PLPP1: variants seen among roughly 807,000 people sequenced by gnomAD.
The protein encoded by PLPP1 is lipid phosphate phosphohydrolase 1a.
PLPP1 carries 24 observed loss-of-function variants against 31.2 expected under a neutral mutation model. That is an observed-to-expected ratio of 0.77 (90% confidence interval 0.56 to 1.08). The LOEUF (loss-of-function observed/expected upper bound fraction) is 1.08. PLPP1 is among the 50% of genes least tolerant of loss of function. The pLI, the probability that PLPP1 is intolerant of heterozygous loss-of-function variation, is 0.00. For synonymous variants in PLPP1, 146 were observed against 126.3 expected (o/e 1.16, Z -1.05); for missense variants, 319 against 342.7 (o/e 0.93, Z 0.55).
intron 5 of PLPP1, 71 bp from the exon 6 acceptor site, chr5:55,425,405 G>C: frequency 7.4e-7 from 1 of 1,356,004 alleles, no homozygotes; most frequent in Non-Finnish European, 1.0e-6. Flanking sequence ...GTGATCAACA[G>C]CATCCTAAGA....
At chr5:55,512,723 T>TACACACAC (rs71600885) in intron 1 of PLPP1, among the ~76,000 whole-genome samples, 8,499 of 43,108 alleles carry the variant, frequency 0.2, 435 homozygotes, top group Admixed American at 0.35. Flanking sequence ...CATTATAAAC[T>TACACACAC]ACACACACAC....
chr5:55,490,149 T>C (rs1025330496), intron 1 of PLPP1, among the ~76,000 whole-genome samples: 18 of 143,076 alleles, frequency 1.3e-4, no homozygotes, highest in South Asian at 4.5e-4. Context: ...CTTTTCTTTT[T>C]TTTTTTTTTT....
At chr5:55,431,909 A>G (rs1751362249) in intron 4 of PLPP1, among the ~76,000 whole-genome samples, 1 of 152,176 alleles carries the variant, frequency 6.6e-6, no homozygotes, top group Admixed American at 6.5e-5. Context: ...ACACAGAAAT[A>G]CAAAAGAACA....
chr5:55,426,710 G>A (rs1479101013), intron 4 of PLPP1, among the ~76,000 whole-genome samples: 1 of 152,048 alleles, frequency 6.6e-6, no homozygotes, highest in African/African-American at 2.4e-5. Context: ...GCCTGACCCA[G>A]TATCGTGGTT....
At position 55,531,328 on chromosome 5, in the gene PLPP1, AGAT is replaced by A. The variant is rs1435216756; in HGVS notation, c.58+3241_58+3243del. On this transcript the variant is annotated intron_variant, in intron 1 of 5. Transcript: ENST00000307259. Reference sequence around the variant, plus strand: ...AAGTCGTGTTTCACACTGATGATAAAGATGACATACGGACAGAAACATATACAC... The same window carrying A: ...AAGTCGTGTTTCACACTGATGATAAAGACATACGGACAGAAACATATACAC... Among the ~76,000 whole-genome samples the A allele has an allele frequency of 4.6e-5, 7 of 152,350 alleles. No individual in the cohort carries two copies. The East Asian group carries it at 9.6e-4, about 21-fold the overall frequency.
intron 3 of PLPP1, among the ~76,000 whole-genome samples, chr5:55,459,966 T>C (rs1752114750): frequency 6.6e-6 from 1 of 152,214 alleles, no homozygotes; most frequent in Admixed American, 6.5e-5. Flanking sequence ...TATGGTTTTC[T>C]CATTTTCTTT....
At chr5:55,444,917 T>C (rs1052123201) in intron 3 of PLPP1, among the ~76,000 whole-genome samples, 1 of 152,068 alleles carries the variant, frequency 6.6e-6, no homozygotes, top group African/African-American at 2.4e-5. Flanking sequence ...GCCCAGCTAA[T>C]TGTTGTATTT....
intron 4 of PLPP1, 107 bp from the exon 5 acceptor site, chr5:55,426,146 G>T: frequency 9.9e-7 from 1 of 1,009,362 alleles, no homozygotes; most frequent in Non-Finnish European, 1.4e-6. Context: ...TTATTATATA[G>T]GGAACAGGAC....
intron 1 of PLPP1, among the ~76,000 whole-genome samples, chr5:55,503,900 GA>G (rs1224640040): frequency 6.4e-5 from 3 of 46,684 alleles, no homozygotes; most frequent in Non-Finnish European, 1.8e-4. Flanking sequence ...GGAGGAAGTA[GA>G]GGGGGGAGGA....
chr5:55,473,426 A>G (rs1297744461), intron 2 of PLPP1, among the ~76,000 whole-genome samples: 1 of 152,222 alleles, frequency 6.6e-6, no homozygotes, highest in Non-Finnish European at 1.5e-5. Flanking sequence ...AGTCTTATAA[A>G]ACAAATATCT....
intron 1 of PLPP1, among the ~76,000 whole-genome samples, chr5:55,531,445 A>C (rs1740664475): frequency 6.6e-6 from 1 of 152,254 alleles, no homozygotes; most frequent in African/African-American, 2.4e-5. Flanking sequence ...GGTTGACGTA[A>C]CATCATCATA....
intron 2 of PLPP1, among the ~76,000 whole-genome samples, chr5:55,474,001 T>G (rs938084740): frequency 4.3e-5 from 6 of 138,442 alleles, no homozygotes; most frequent in Non-Finnish European, 9.6e-5. Flanking sequence ...TTTGTTGTTT[T>G]TTTTTTTTTT....
At chr5:55,426,512 C>G (rs1357106422) in intron 4 of PLPP1, among the ~76,000 whole-genome samples, 1 of 151,976 alleles carries the variant, frequency 6.6e-6, no homozygotes, top group Non-Finnish European at 1.5e-5. Flanking sequence ...AGCAATCTTT[C>G]CATGTCAGTT....
chr5:55,526,522 T>G (rs532081458), intron 1 of PLPP1, among the ~76,000 whole-genome samples: 1 of 152,224 alleles, frequency 6.6e-6, no homozygotes, highest in South Asian at 2.1e-4. Flanking sequence ...TTTTTGTTCG[T>G]TTTTTGAGAT....
At chr5:55,520,968 T>A (rs1054983563) in intron 1 of PLPP1, among the ~76,000 whole-genome samples, 2 of 152,152 alleles carry the variant, frequency 1.3e-5, no homozygotes, top group East Asian at 3.8e-4. Flanking sequence ...TCCCAGCACT[T>A]TAGGAGGCTG....
chr5:55,475,217 C>T, intron 2 of PLPP1, 82 bp downstream of exon 2: 2 of 1,207,910 alleles, frequency 1.7e-6, no homozygotes, highest in South Asian at 3.4e-5. Flanking sequence ...TGGAGGATTA[C>T]ACATTTAAGC....
intron 1 of PLPP1, among the ~76,000 whole-genome samples, chr5:55,528,013 G>A (rs1740530324): frequency 6.6e-6 from 1 of 152,182 alleles, no homozygotes; most frequent in South Asian, 2.1e-4. Flanking sequence ...GCAGAGTGGA[G>A]AAAAGATCTG....
chr5:55,489,623 G>A (rs1373695861), intron 1 of PLPP1, among the ~76,000 whole-genome samples: 1 of 151,990 alleles, frequency 6.6e-6, no homozygotes, highest in Non-Finnish European at 1.5e-5. Flanking sequence ...ATACTGAGCT[G>A]CAGCCCATTA....
At chr5:55,529,510 G>A (rs1477278232) in intron 1 of PLPP1, among the ~76,000 whole-genome samples, 3 of 151,994 alleles carry the variant, frequency 2.0e-5, no homozygotes, top group Admixed American at 2.0e-4. Context: ...AAATGCCCAT[G>A]AAAGAAATAA....
Sources: gnomAD v4.1 joint callset for allele counts (sites outside exome capture counted in the v4.1 genomes callset) on GRCh38, gnomAD v4.1.1 for gene constraint, MANE v1.5 for transcripts, NCBI Gene and HGNC (gene_info 2026-07-23, HGNC 2026-07-21) for gene names.